The following SPOCK1 variants were observed in gnomAD, a reference collection of about 807,000 sequenced individuals.
The protein encoded by SPOCK1 is testican-1.
A neutral mutation model predicts 55.3 loss-of-function variants in SPOCK1; 23 were observed. That is an observed-to-expected ratio of 0.42 (90% confidence interval 0.30 to 0.59). The LOEUF (loss-of-function observed/expected upper bound fraction) is 0.59. SPOCK1 is among the 20% of genes least tolerant of loss of function. The probability of loss-of-function intolerance (pLI) is 0.22; values close to 1 mark genes in which losing one functional copy is unlikely to be tolerated. For missense variants in SPOCK1, 499 were observed against 552.5 expected (o/e 0.90, Z 0.97); for synonymous variants, 226 against 221.0 (o/e 1.02, Z -0.20).
chr5:137,439,428 G>C (rs1418936825), intron 2 of SPOCK1, among the ~76,000 whole-genome samples: 1 of 152,138 alleles, frequency 6.6e-6, no homozygotes, highest in Non-Finnish European at 1.5e-5. Flanking sequence ...GTCCCAAAAG[G>C]CTGAAAAGCT....
In SPOCK1 at chr5:137,238,070, C is replaced by T. The variant is rs145514026; in HGVS notation, c.232+28940G>A. 6.7e-3 allele frequency among the ~76,000 whole-genome samples: 1,014 copies of T among 152,252 alleles called. 8 individuals are homozygous for T. Among genetic ancestry groups the T allele is most frequent in the African/African-American group, 0.022 (933 of 41,532 alleles). On this transcript the variant is annotated intron_variant, in intron 3 of 10. Coordinates refer to ENST00000394945, the MANE Select transcript of SPOCK1 (RefSeq NM_004598.4). Reference sequence around the variant, plus strand: ...TGTGTGATCTTGGGCAAGACTGGTTCACCTCTTCAAAATAAGCTTTCTCTT... The same window carrying T: ...TGTGTGATCTTGGGCAAGACTGGTTTACCTCTTCAAAATAAGCTTTCTCTT...
chr5:137,448,523 C>T (rs952203643), intron 2 of SPOCK1, among the ~76,000 whole-genome samples: 2 of 152,102 alleles, frequency 1.3e-5, no homozygotes, highest in Non-Finnish European at 2.9e-5. Context: ...TGTGCCTGGG[C>T]TACAGCGGCC....
intron 6 of SPOCK1, among the ~76,000 whole-genome samples, chr5:136,996,909 T>C (rs1282087771): frequency 6.6e-6 from 1 of 152,094 alleles, no homozygotes; most frequent in Non-Finnish European, 1.5e-5. Context: ...GGAAACTTCG[T>C]TCTTTTGCTC....
intron 2 of SPOCK1, among the ~76,000 whole-genome samples, chr5:137,451,672 G>T (rs955521099): frequency 2.6e-5 from 4 of 152,120 alleles, no homozygotes; most frequent in Admixed American, 2.6e-4. Context: ...AATGGATTTA[G>T]CCCATTCAGA....
chr5:137,075,025 G>C (rs1367074017), intron 5 of SPOCK1, among the ~76,000 whole-genome samples: 1 of 152,028 alleles, frequency 6.6e-6, no homozygotes, highest in Admixed American at 6.6e-5. Flanking sequence ...TTTTAGTACA[G>C]ACCGGGTTTC....
intron 2 of SPOCK1, among the ~76,000 whole-genome samples, chr5:137,466,264 C>T (rs763367153): frequency 7.2e-5 from 11 of 152,294 alleles, no homozygotes; most frequent in Non-Finnish European, 1.5e-4. Context: ...ACCAGAATTT[C>T]TTCCTGGGTT....
At chr5:137,284,962 A>G (rs1020035909) in intron 2 of SPOCK1, among the ~76,000 whole-genome samples, 5 of 152,216 alleles carry the variant, frequency 3.3e-5, no homozygotes, top group African/African-American at 1.2e-4. Context: ...AGTCTCGCTC[A>G]TACAGCTTTT....
chr5:137,163,790 C>A (rs1253375442), intron 3 of SPOCK1, among the ~76,000 whole-genome samples: 1 of 152,206 alleles, frequency 6.6e-6, no homozygotes, highest in Non-Finnish European at 1.5e-5. Context: ...CTCAGTATGG[C>A]AGCTACTTCA....
chr5:137,467,572 C>CAAAA (rs918475795), intron 2 of SPOCK1, among the ~76,000 whole-genome samples: 10 of 152,258 alleles, frequency 6.6e-5, no homozygotes, highest in Admixed American at 5.9e-4. Flanking sequence ...AAAGGTGTGA[C>CAAAA]AAGGGCAATG....
At chr5:137,341,379 CG>C (rs1750420012) in intron 2 of SPOCK1, among the ~76,000 whole-genome samples, 1 of 152,192 alleles carries the variant, frequency 6.6e-6, no homozygotes, top group Non-Finnish European at 1.5e-5. Context: ...TCCAGCAAAT[CG>C]AACAGGTGTC....
chr5:137,494,168 T>C (rs1203217436), intron 2 of SPOCK1, among the ~76,000 whole-genome samples: 1 of 152,222 alleles, frequency 6.6e-6, no homozygotes, highest in Non-Finnish European at 1.5e-5. Flanking sequence ...TAAGCAACAA[T>C]ATTATTTTAA....
intron 2 of SPOCK1, among the ~76,000 whole-genome samples, chr5:137,302,394 C>T (rs1342973322): frequency 7.4e-6 from 1 of 134,306 alleles, no homozygotes; most frequent in Non-Finnish European, 1.6e-5. Context: ...ACAGTGAAAC[C>T]CCGTCTCTAC....
chr5:137,203,636 G>GA (rs1335857170), intron 3 of SPOCK1, among the ~76,000 whole-genome samples: 5 of 152,136 alleles, frequency 3.3e-5, no homozygotes, highest in Non-Finnish European at 5.9e-5. Context: ...AGCTAAATGA[G>GA]AAAATCATCT....
At chr5:137,135,053 C>T (rs749837751) in intron 4 of SPOCK1, among the ~76,000 whole-genome samples, 19 of 152,164 alleles carry the variant, frequency 1.2e-4, no homozygotes, top group Non-Finnish European at 2.4e-4. Context: ...ATTGGGAAGT[C>T]GGGCCATGTC....
chr5:137,293,011 C>G (rs1456115677), intron 2 of SPOCK1, among the ~76,000 whole-genome samples: 2 of 151,712 alleles, frequency 1.3e-5, no homozygotes, highest in Non-Finnish European at 2.9e-5. Context: ...TCCCCTGTGA[C>G]CAGTACCCAT....
At chr5:137,436,114 C>T (rs1407265272) in intron 2 of SPOCK1, among the ~76,000 whole-genome samples, 4 of 152,134 alleles carry the variant, frequency 2.6e-5, no homozygotes, top group African/African-American at 7.2e-5. Flanking sequence ...GCCAGAATTA[C>T]ACCACTGCAC....
chr5:137,113,268 A>G (rs952695526), intron 4 of SPOCK1, among the ~76,000 whole-genome samples: 1 of 152,204 alleles, frequency 6.6e-6, no homozygotes, highest in African/African-American at 2.4e-5. Flanking sequence ...AAGGAACCCC[A>G]TCACTATATC....
intron 2 of SPOCK1, among the ~76,000 whole-genome samples, chr5:137,338,799 T>C (rs1373322670): frequency 3.9e-5 from 6 of 152,228 alleles, no homozygotes; most frequent in African/African-American, 1.4e-4. Context: ...ATGTGTTTTT[T>C]GGCCGCATAA....
chr5:137,237,578 G>T (rs1235367074), intron 3 of SPOCK1, among the ~76,000 whole-genome samples: 2 of 152,184 alleles, frequency 1.3e-5, no homozygotes, highest in East Asian at 3.8e-4. Flanking sequence ...ACTCCATTTT[G>T]TAAACAAGAC....
Sources: gnomAD v4.1 joint callset for allele counts (sites outside exome capture counted in the v4.1 genomes callset) on GRCh38, gnomAD v4.1.1 for gene constraint, MANE v1.5 for transcripts, NCBI Gene and HGNC (gene_info 2026-07-23, HGNC 2026-07-21) for gene names.